CASZ1: variants seen among roughly 807,000 people sequenced by gnomAD.
CASZ1 encodes zinc finger protein castor homolog 1.
Under a neutral mutation model 135.2 loss-of-function variants are expected in CASZ1, and 28 were observed. The ratio of observed to expected loss-of-function variants is 0.21; its 90% CI spans 0.15 to 0.28. CASZ1 has a LOEUF of 0.28. Among genes scored for constraint, CASZ1 ranks in the 10% least tolerant of loss-of-function variants. The probability of loss-of-function intolerance (pLI) is 1.00; values close to 1 mark genes in which losing one functional copy is unlikely to be tolerated. For missense variants in CASZ1, 2,161 were observed against 2,453.3 expected (o/e 0.88, Z 2.52); for synonymous variants, 1,068 against 1,073.4 (o/e 0.99, Z 0.10).
At chr1:10,677,815 C>G (rs959211604) in intron 4 of CASZ1, among the ~76,000 whole-genome samples, 4 of 152,236 alleles carry the variant, frequency 2.6e-5, no homozygotes, top group Non-Finnish European at 5.9e-5. Context: ...ACCACAAAGG[C>G]CCCCTGCTGC....
Position 10,639,297 on chromosome 1 carries a change from GC to G in CASZ1, c.4924del (p.Ala1642ArgfsTer201). ...GCCGGGGTCGCCCGCGTCGCCCAGC[GC>G]CAGGCCCAGGCCGGCGGCCGCCGAC... ...LQSAAAGLGL[A>X]LGDAGDPGPP... On this transcript the variant is annotated frameshift_variant, in exon 21 of 21. Coordinates refer to ENST00000377022, the MANE Select transcript of CASZ1 (RefSeq NM_001079843.3). LOFTEE classifies it high-confidence loss of function. The surrounding 1 kb of genome is among the most constrained non-coding windows in gnomAD (Gnocchi z 4.0). 1 of 1,347,100 alleles carries G rather than the reference GC, an allele frequency of 7.4e-7. No individual in the cohort carries two copies. The highest frequency in any genetic ancestry group is 9.5e-7 in the Non-Finnish European group (1 of 1,054,898). The allele number at this position is 1,347,100 out of a possible 1,614,324, so 83.4% of individuals were successfully genotyped here.
rs1415099708 is a variant in CASZ1, at chr1:10,760,777, A to G, written c.-153T>C. On this transcript the variant is annotated 5_prime_UTR_variant, in exon 2 of 21. Coordinates refer to ENST00000377022, the MANE Select transcript of CASZ1 (RefSeq NM_001079843.3). ...GGGGAGTTGCAGGAGCCCCTTGTAA[A>G]GGAGGGGTCGATGGCCGTGGCAGCT... is the stretch of plus-strand genomic sequence containing the variant. 1.3e-5 allele frequency: 2 copies of G among 152,234 alleles called. No individual in the cohort carries two copies. The highest frequency in any genetic ancestry group is 6.5e-5 in the Admixed American group (1 of 15,272). 9.4% of individuals were successfully genotyped at this position (152,234 alleles called of 1,614,324 possible).
intron 1 of CASZ1, among the ~76,000 whole-genome samples, chr1:10,765,102 C>T (rs12080962): frequency 1.3e-5 from 2 of 152,136 alleles, no homozygotes; most frequent in South Asian, 2.1e-4. Context: ...AACCTCCCCC[C>T]ACAATGAACA....
rs1261215460 is a variant in CASZ1, at chr1:10,720,093, G to C, written c.-76-14549C>G. On this transcript the variant is annotated intron_variant, in intron 2 of 20. Coordinates refer to ENST00000377022, the MANE Select transcript of CASZ1 (RefSeq NM_001079843.3). This position sits in a 1 kb window ranked among gnomAD's most constrained non-coding sequence, Gnocchi z 5.7. Reference sequence around the variant, plus strand: ...CCTGGCCACAGAGAGCTTGGATCCGGCTGCAAGTTCTGAAGTCTGGTAGGT... The same window carrying C: ...CCTGGCCACAGAGAGCTTGGATCCGCCTGCAAGTTCTGAAGTCTGGTAGGT... Among the ~76,000 whole-genome samples the C allele has an allele frequency of 6.6e-6, 1 of 152,246 alleles. No individual in the cohort carries two copies. The highest frequency in any genetic ancestry group is 1.5e-5 in the Non-Finnish European group (1 of 68,044).
At chr1:10,641,700 G>A (rs1272218801) in intron 20 of CASZ1, among the ~76,000 whole-genome samples, 1 of 152,216 alleles carries the variant, frequency 6.6e-6, no homozygotes, top group Non-Finnish European at 1.5e-5. Context: ...GAAGGGACAG[G>A]TCCTGCCTTG....
chr1:10,654,963 G>C (rs930793109), intron 9 of CASZ1, among the ~76,000 whole-genome samples: 1 of 152,232 alleles, frequency 6.6e-6, no homozygotes, highest in African/African-American at 2.4e-5. Context: ...ACAGGGGCTG[G>C]ACCCTGGAGG....
At position 10,653,944 on chromosome 1, in the gene CASZ1, G is replaced by A. The variant is rs1383191911; in HGVS notation, c.2113C>T (p.Leu705=). The A allele has an allele frequency of 2.5e-6, 4 of 1,613,476 alleles. No homozygotes were observed. Among genetic ancestry groups the A allele is most frequent in the Non-Finnish European group, 3.4e-6 (4 of 1,179,740 alleles). ...TTGGCGCCCAGCAGCGAGGGCGGCAGCCCCAGCGCGCCCGAGGAGCGGATG... is the reference window on the plus strand; with the variant it reads ...TTGGCGCCCAGCAGCGAGGGCGGCAACCCCAGCGCGCCCGAGGAGCGGATG... ...RHIRSSGALG[L]PPSLLGAKDT... The change falls in exon 11 of 21, where the codon CTG becomes TTG. Residue 705 remains leucine (L), a synonymous_variant. Coordinates refer to ENST00000377022, the MANE Select transcript of CASZ1 (RefSeq NM_001079843.3).
chr1:10,727,086 G>A lies in CASZ1; in HGVS notation c.-76-21542C>T, dbSNP rs1362138772. On this transcript the variant is annotated intron_variant, in intron 2 of 20. Transcript: ENST00000377022. This position sits in a 1 kb window ranked among gnomAD's most constrained non-coding sequence, Gnocchi z 5.3. ...AGGAGGACTGAAACGAAGGCAGAGG[G>A]GGAGCCATGGGCGCCAATGTCAAGC... Among the ~76,000 whole-genome samples, 2 of 152,122 alleles carry A rather than the reference G, an allele frequency of 1.3e-5. No homozygotes were observed. The highest frequency in any genetic ancestry group is 1.5e-5 in the Non-Finnish European group (1 of 68,010).
Position 10,655,732 on chromosome 1 carries a change from G to C in CASZ1, c.1582C>G (p.Arg528Gly). Reference sequence around the variant, plus strand: ...CTGCAGTCGTCCAGCGGGCTGAAACGCATGAAGCCGTGCTGCAGGGAGTTG... The same window carrying C: ...CTGCAGTCGTCCAGCGGGCTGAAACCCATGAAGCCGTGCTGCAGGGAGTTG... ...RDNSLQHGFM[R>G]FSPLDDCSVY... is the part of the protein sequence containing the mutation. The change falls in exon 9 of 21, where the codon CGT becomes GGT. Residue 528 changes from arginine (R) to glycine (G), a missense_variant. Physicochemically the swap from Arg to Gly is moderately radical, Grantham distance 125. Around this residue, in one of 7 missense-constraint regions of CASZ1, gnomAD observed 248 missense variants for 410.8 expected, o/e 0.60. Coordinates refer to ENST00000377022, the MANE Select transcript of CASZ1 (RefSeq NM_001079843.3). 6.2e-7 allele frequency: 1 copy of C among 1,614,180 alleles called. No homozygotes were observed. Among genetic ancestry groups the C allele is most frequent in the Non-Finnish European group, 8.5e-7 (1 of 1,179,970 alleles).
At chr1:10,754,827 G>A (rs899703725) in intron 2 of CASZ1, among the ~76,000 whole-genome samples, 6 of 152,198 alleles carry the variant, frequency 3.9e-5, no homozygotes, top group Non-Finnish European at 7.3e-5. Flanking sequence ...GAGTCACAAC[G>A]GCCCTAAACT....
Position 10,726,576 on chromosome 1 carries a change from G to A in CASZ1, c.-76-21032C>T, listed in dbSNP as rs1639601853. ...GCCAATCCGGCCAGAGGAAACACCG[G>A]GCACGGGGAATGGAGCCCTCGCCAG... On this transcript the variant is annotated intron_variant, in intron 2 of 20. Coordinates refer to ENST00000377022, the MANE Select transcript of CASZ1 (RefSeq NM_001079843.3). The surrounding 1 kb of genome is among the most constrained non-coding windows in gnomAD (Gnocchi z 5.7). Among the ~76,000 whole-genome samples, 1 of 152,228 alleles carries A rather than the reference G, an allele frequency of 6.6e-6. No homozygotes were observed. Among genetic ancestry groups the A allele is most frequent in the African/African-American group, 2.4e-5 (1 of 41,464 alleles).
intron 1 of CASZ1, among the ~76,000 whole-genome samples, chr1:10,764,664 C>A (rs1640440486): frequency 6.6e-6 from 1 of 152,178 alleles, no homozygotes; most frequent in Non-Finnish European, 1.5e-5. Flanking sequence ...TCATCCTGCT[C>A]CCCTCCCTGT....
At chr1:10,655,091 C>T (rs1323412370) in intron 9 of CASZ1, among the ~76,000 whole-genome samples, 4 of 152,088 alleles carry the variant, frequency 2.6e-5, no homozygotes, top group South Asian at 4.1e-4. Context: ...CCGTGGAATC[C>T]GAACACTCTC....
chr1:10,699,172 G>A lies in CASZ1; in HGVS notation c.-23-5260C>T, dbSNP rs1639008219. The stretch of plus-strand genomic sequence containing the variant: ...CCTTCGGGGAGAAGAGCTGGGGATC[G>A]ACATGGCCCAAATCTGGCCTCTCCC... On this transcript the variant is annotated intron_variant, in intron 3 of 20. Coordinates refer to ENST00000377022, the MANE Select transcript of CASZ1 (RefSeq NM_001079843.3). This position sits in a 1 kb window ranked among gnomAD's most constrained non-coding sequence, Gnocchi z 4.6. Among the ~76,000 whole-genome samples, 1 of 152,180 alleles carries A rather than the reference G, an allele frequency of 6.6e-6. No homozygotes were observed. Among genetic ancestry groups the A allele is most frequent in the South Asian group, 2.1e-4 (1 of 4,832 alleles).
rs1457689735 is a variant in CASZ1, at chr1:10,665,231, C to T, written c.357G>A (p.Glu119=). 1.9e-6 allele frequency: 3 copies of T among 1,599,076 alleles called. No individual in the cohort carries two copies. The highest frequency in any genetic ancestry group is 1.7e-6 in the Non-Finnish European group (2 of 1,171,236). The part of the protein sequence containing the change: ...IAREGLELPP[E]GVYMVQPQGC... ...CCTGGGGCTGCACCATGTAGACACCCTCGGGAGGCAGCTCCAGGCCCTCGC... is the reference window on the plus strand; with the variant it reads ...CCTGGGGCTGCACCATGTAGACACCTTCGGGAGGCAGCTCCAGGCCCTCGC... The change falls in exon 5 of 21, where the codon GAG becomes GAA. Residue 119 remains glutamate (E), a synonymous_variant. Transcript: ENST00000377022.
Position 10,643,012 on chromosome 1 carries a change from C to T in CASZ1, c.4021-12G>A, listed in dbSNP as rs747151496. On this transcript the variant is annotated splice_polypyrimidine_tract_variant and intron_variant, in intron 19 of 20. Coordinates refer to ENST00000377022, the MANE Select transcript of CASZ1 (RefSeq NM_001079843.3). ...AGGCCTGGGGGGCCCTGAAAGGACA[C>T]GGGGGTCCCTGAGGAAGTGGGGCTG... 1.3e-5 allele frequency: 21 copies of T among 1,610,328 alleles called. No homozygotes were observed. The highest frequency in any genetic ancestry group is 1.6e-4 in the Middle Eastern group (1 of 6,072).
Position 10,725,924 on chromosome 1 carries a change from C to T in CASZ1, c.-76-20380G>A, listed in dbSNP as rs895649442. Among the ~76,000 whole-genome samples, 1 of 152,100 alleles carries T rather than the reference C, an allele frequency of 6.6e-6. No individual in the cohort carries two copies. Among genetic ancestry groups the T allele is most frequent in the Non-Finnish European group, 1.5e-5 (1 of 68,016 alleles). On this transcript the variant is annotated intron_variant, in intron 2 of 20. Coordinates refer to ENST00000377022, the MANE Select transcript of CASZ1 (RefSeq NM_001079843.3). This position sits in a 1 kb window ranked among gnomAD's most constrained non-coding sequence, Gnocchi z 4.4. The stretch of plus-strand genomic sequence containing the variant: ...GGCCGGACTTAGGAGGGGGCAGCAT[C>T]CTCAGGATCCCTTAGTAGCAAGAGC...
intron 4 of CASZ1, among the ~76,000 whole-genome samples, chr1:10,686,064 G>C (rs1177793499): frequency 3.9e-5 from 6 of 152,120 alleles, no homozygotes; most frequent in African/African-American, 1.4e-4. Flanking sequence ...GAGGCTACTG[G>C]GGCCAACCTG....
At chr1:10,661,862 A>C (rs1020944845) in intron 5 of CASZ1, among the ~76,000 whole-genome samples, 2 of 151,416 alleles carry the variant, frequency 1.3e-5, no homozygotes, top group Non-Finnish European at 2.9e-5. Context: ...ATTCTCATAC[A>C]CTCTTACACA....
Sources: gnomAD v4.1 joint callset for allele counts (sites outside exome capture counted in the v4.1 genomes callset) on GRCh38, gnomAD v4.1.1 for gene constraint, gnomAD v4.1.1 regional missense constraint, Gnocchi (gnomAD v3.1) non-coding constraint, MANE v1.5 for transcripts, NCBI Gene and HGNC (gene_info 2026-07-23, HGNC 2026-07-21) for gene names.